ZNF804B: variants seen among roughly 807,000 people sequenced by gnomAD.
ZNF804B encodes zinc finger protein 804B, also known as zinc finger 804B.
In ZNF804B, 80 loss-of-function variants were observed where a neutral mutation model predicts 101.4. The ratio of observed to expected loss-of-function variants is 0.79; its 90% CI spans 0.66 to 0.95. The LOEUF (loss-of-function observed/expected upper bound fraction) is 0.95, where lower values mean the gene tolerates loss of function less well. Among genes scored for constraint, ZNF804B ranks in the 40% least tolerant of loss-of-function variants. ZNF804B has a pLI of 0.00. For synonymous variants in ZNF804B, 622 were observed against 558.8 expected, an observed-to-expected ratio of 1.11 and a Z score of -1.59; for missense variants, 1,673 against 1,561.9, an observed-to-expected ratio of 1.07 and a Z score of -1.20.
At chr7:88,901,982 A>G (rs762517062) in intron 1 of ZNF804B, among the ~76,000 whole-genome samples, 1 of 151,930 alleles carries the variant, frequency 6.6e-6, no homozygotes, top group Non-Finnish European at 1.5e-5. Flanking sequence ...TGTGATTAGA[A>G]CACAGTCATC....
At chr7:89,294,677 C>G (rs1354113306) in intron 2 of ZNF804B, among the ~76,000 whole-genome samples, 1 of 151,562 alleles carries the variant, frequency 6.6e-6, no homozygotes, top group African/African-American at 2.4e-5. Context: ...CTGTTATTTC[C>G]TTTTATCACT....
At chr7:89,239,757 C>T (rs1049916609) in intron 2 of ZNF804B, among the ~76,000 whole-genome samples, 8 of 151,548 alleles carry the variant, frequency 5.3e-5, no homozygotes, top group African/African-American at 1.9e-4. Flanking sequence ...ATTTTACTCA[C>T]TTTTAACAAT....
intron 2 of ZNF804B, among the ~76,000 whole-genome samples, chr7:89,265,501 T>A (rs1174886833): frequency 6.6e-6 from 1 of 152,196 alleles, no homozygotes; most frequent in Non-Finnish European, 1.5e-5. Flanking sequence ...GAAATTTAGA[T>A]TGGACTCAAA....
At chr7:89,041,415 T>G (rs1365858380) in intron 1 of ZNF804B, among the ~76,000 whole-genome samples, 1 of 152,020 alleles carries the variant, frequency 6.6e-6, no homozygotes, top group Admixed American at 6.5e-5. Flanking sequence ...GGACAGGTCT[T>G]AAGCTTGAGT....
rs147054451 is a variant in ZNF804B at position 88,914,429 on chromosome 7, G to T, written c.108+154345G>T. ...AATGAAAAACATGTGACTTGAAGAGGGTTTCTTTCCTGAGGACAAATGAGC... is the reference window on the plus strand; with the variant it reads ...AATGAAAAACATGTGACTTGAAGAGTGTTTCTTTCCTGAGGACAAATGAGC... On this transcript the variant is annotated intron_variant, in intron 1 of 3. Coordinates refer to ENST00000333190, the MANE Select transcript of ZNF804B (RefSeq NM_181646.5). Among the ~76,000 whole-genome samples, 558 of 152,116 alleles carry T rather than the reference G, an allele frequency of 3.7e-3. 3 individuals carry two copies. The highest frequency in any genetic ancestry group is 0.013 in the African/African-American group (535 of 41,514).
At chr7:89,287,134 A>G (rs1302136507) in intron 2 of ZNF804B, among the ~76,000 whole-genome samples, 1 of 152,168 alleles carries the variant, frequency 6.6e-6, no homozygotes, top group Non-Finnish European at 1.5e-5. Flanking sequence ...AGAATATAAT[A>G]CATACTATAT....
At chr7:89,257,675 AT>A (rs1789655258) in intron 2 of ZNF804B, among the ~76,000 whole-genome samples, 1 of 152,146 alleles carries the variant, frequency 6.6e-6, no homozygotes, top group Non-Finnish European at 1.5e-5. Flanking sequence ...AGTAAATTGC[AT>A]GTTGTAGGGC....
chr7:89,049,328 A>G lies in ZNF804B; in HGVS notation c.109-168827A>G, dbSNP rs565837506. Among the ~76,000 whole-genome samples the G allele has an allele frequency of 1.2e-4, 19 of 152,282 alleles. No individual in the cohort carries two copies. In the South Asian group the frequency reaches 3.9e-3, roughly 32 times the overall value. The stretch of plus-strand genomic sequence containing the variant: ...TTGCTTCTTATTAGCACGATTCACA[A>G]CTGAGAAGTGTGAATGATCTTATGG... On this transcript the variant is annotated intron_variant, in intron 1 of 3. Transcript: ENST00000333190.
intron 2 of ZNF804B, among the ~76,000 whole-genome samples, chr7:89,263,943 T>TA (rs1789746629): frequency 6.6e-6 from 1 of 152,230 alleles, no homozygotes; most frequent in Non-Finnish European, 1.5e-5. Context: ...TGGTAATTTT[T>TA]AATGGAAGTC....
intron 1 of ZNF804B, among the ~76,000 whole-genome samples, chr7:88,904,110 T>C (rs937670949): frequency 1.3e-5 from 2 of 152,196 alleles, no homozygotes; most frequent in Non-Finnish European, 2.9e-5. Context: ...CTTTAATCCA[T>C]CTTGACTTAA....
At chr7:88,970,868 A>G (rs1221084259) in intron 1 of ZNF804B, among the ~76,000 whole-genome samples, 1 of 151,228 alleles carries the variant, frequency 6.6e-6, no homozygotes, top group East Asian at 2.0e-4. Flanking sequence ...ACCTAACGCT[A>G]AATGACAAGT....
At chr7:89,075,487 A>G (rs777865124) in intron 1 of ZNF804B, among the ~76,000 whole-genome samples, 3 of 152,194 alleles carry the variant, frequency 2.0e-5, no homozygotes, top group Non-Finnish European at 4.4e-5. Flanking sequence ...GCAGGTGCAC[A>G]GAAGTGAAGA....
At chr7:89,048,084 A>C (rs568008003) in intron 1 of ZNF804B, among the ~76,000 whole-genome samples, 1 of 152,112 alleles carries the variant, frequency 6.6e-6, no homozygotes, top group East Asian at 1.9e-4. Flanking sequence ...GTAGTCTTTT[A>C]TCCCTTACCC....
intron 1 of ZNF804B, among the ~76,000 whole-genome samples, chr7:89,081,247 G>T (rs1789693428): frequency 6.6e-6 from 1 of 151,764 alleles, no homozygotes; most frequent in Non-Finnish European, 1.5e-5. Flanking sequence ...ATAATAATTA[G>T]AATTGAAGGC....
chr7:89,236,765 G>A (rs1295486179), intron 2 of ZNF804B, among the ~76,000 whole-genome samples: 1 of 152,150 alleles, frequency 6.6e-6, no homozygotes, highest in East Asian at 1.9e-4. Context: ...AAATGAACAT[G>A]GCTCATCTCG....
At chr7:89,305,640 T>C (rs1388680291) in intron 2 of ZNF804B, among the ~76,000 whole-genome samples, 3 of 152,158 alleles carry the variant, frequency 2.0e-5, no homozygotes, top group South Asian at 4.1e-4. Flanking sequence ...TTTTTTATCA[T>C]TATAATAAAT....
intron 1 of ZNF804B, among the ~76,000 whole-genome samples, chr7:88,860,775 G>A (rs1791633308): frequency 6.6e-6 from 1 of 152,114 alleles, no homozygotes; most frequent in South Asian, 2.1e-4. Flanking sequence ...AGATATAAAG[G>A]AATATGAATA....
At chr7:89,182,789 G>A (rs540404749) in intron 1 of ZNF804B, among the ~76,000 whole-genome samples, 21 of 152,230 alleles carry the variant, frequency 1.4e-4, no homozygotes, top group Admixed American at 1.2e-3. Flanking sequence ...ATCTGCTTCT[G>A]CACAGGATTG....
chr7:89,164,681 C>T (rs1296207880), intron 1 of ZNF804B, among the ~76,000 whole-genome samples: 2 of 152,102 alleles, frequency 1.3e-5, no homozygotes, highest in Non-Finnish European at 2.9e-5. Context: ...CCAAACTTAG[C>T]TTTATCTTTA....
Sources: allele counts gnomAD v4.1 joint callset (sites outside exome capture counted in the v4.1 genomes callset), GRCh38; gene constraint gnomAD v4.1.1; transcripts MANE v1.5; gene names NCBI Gene and HGNC (gene_info 2026-07-23, HGNC 2026-07-21).